ATP10B: variants seen among roughly 807,000 people sequenced by gnomAD.
The protein encoded by ATP10B is ATPase phospholipid transporting 10B (putative), also known as phospholipid-transporting ATPase VB.
A neutral mutation model predicts 141.2 loss-of-function variants in ATP10B; 122 were observed. The ratio of observed to expected loss-of-function variants is 0.86; its 90% confidence interval spans 0.75 to 1.00. The LOEUF (loss-of-function observed/expected upper bound fraction) is 1.00, where lower values mean the gene tolerates loss of function less well. Among genes scored for constraint, ATP10B ranks in the 50% least tolerant of loss-of-function variants. The probability of loss-of-function intolerance (pLI) is 0.00; values close to 1 mark genes in which losing one functional copy is unlikely to be tolerated. For missense variants in ATP10B, 1,876 were observed against 1,825.3 expected (o/e 1.03, Z -0.51); for synonymous variants, 685 against 692.0 (o/e 0.99, Z 0.16).
intron 7 of ATP10B, among the ~76,000 whole-genome samples, chr5:160,669,298 G>A (rs1762512618): frequency 6.6e-6 from 1 of 152,186 alleles, no homozygotes; most frequent in Admixed American, 6.5e-5. Flanking sequence ...TGCTAAGTAA[G>A]TCATGTACCT....
rs77781732 is a variant in ATP10B at position 160,812,167 on chromosome 5, C to T, written c.-575-26364G>A. Among the ~76,000 whole-genome samples, 197 of 152,206 alleles carry T rather than the reference C, an allele frequency of 1.3e-3. 1 individual carries two copies. In the South Asian group the frequency reaches 0.018, roughly 14 times the overall value. On this transcript the variant is annotated intron_variant, in intron 1 of 25. Coordinates refer to ENST00000327245, the MANE Select transcript of ATP10B (RefSeq NM_025153.3). ...TCCAGGTCTTATTCAAGACCATCAA[C>T]GTGGTACCTCTACAAGTCTGTAAGA... is the stretch of plus-strand genomic sequence containing the variant.
chr5:160,867,200 G>A, the ATP10B span, among the ~76,000 whole-genome samples: 2 of 64,788 alleles, frequency 3.1e-5, no homozygotes, highest in Non-Finnish European at 8.8e-5. Flanking sequence ...TCATATATAT[G>A]CATATATATA....
intron 1 of ATP10B, among the ~76,000 whole-genome samples, chr5:160,837,780 A>T (rs781683640): frequency 9.9e-5 from 15 of 152,230 alleles, no homozygotes; most frequent in Admixed American, 7.9e-4. Flanking sequence ...AGACCATTTT[A>T]AAGTTATTTC....
At chr5:160,705,870 T>C (rs1286196490) in intron 3 of ATP10B, among the ~76,000 whole-genome samples, 5 of 152,248 alleles carry the variant, frequency 3.3e-5, no homozygotes. Flanking sequence ...GCATTCCTCA[T>C]GAAGGTTAAT....
At chr5:160,715,214 C>T (rs1191302706) in intron 3 of ATP10B, among the ~76,000 whole-genome samples, 1 of 135,032 alleles carries the variant, frequency 7.4e-6, no homozygotes, top group African/African-American at 2.8e-5. Context: ...CTCCCCCAGC[C>T]TCGTTGCTGC....
intron 13 of ATP10B, among the ~76,000 whole-genome samples, chr5:160,625,204 C>A (rs976614121): frequency 2.0e-5 from 3 of 152,134 alleles, no homozygotes; most frequent in African/African-American, 4.8e-5. Flanking sequence ...GTTAGTCTGA[C>A]CCTAGAATTC....
chr5:160,796,469 A>T (rs1771956043), intron 1 of ATP10B, among the ~76,000 whole-genome samples: 1 of 152,160 alleles, frequency 6.6e-6, no homozygotes, highest in Non-Finnish European at 1.5e-5. Context: ...CTTTCTTTGT[A>T]TTCTATCTCT....
chr5:160,777,454 A>G (rs1370999538), intron 2 of ATP10B, among the ~76,000 whole-genome samples: 1 of 152,232 alleles, frequency 6.6e-6, no homozygotes, highest in East Asian at 1.9e-4. Context: ...AAATCCAAAG[A>G]TGGAAGATGG....
At chr5:160,589,023 G>GT (rs1756097814) in intron 24 of ATP10B, among the ~76,000 whole-genome samples, 1 of 152,004 alleles carries the variant, frequency 6.6e-6, no homozygotes, top group East Asian at 1.9e-4. Context: ...TTTGTTTTTT[G>GT]TTTTTTGAGA....
intron 22 of ATP10B, among the ~76,000 whole-genome samples, chr5:160,593,466 G>GA (rs1200082267): frequency 1.3e-5 from 2 of 152,184 alleles, no homozygotes; most frequent in South Asian, 2.1e-4. Context: ...CAAAGATGGG[G>GA]AAAAAACAGA....
the ATP10B span, among the ~76,000 whole-genome samples, chr5:160,886,866 G>A: frequency 3.6e-3 from 543 of 152,276 alleles, 2 homozygotes; most frequent in African/African-American, 0.013. Context: ...TTGATGCTAT[G>A]TGAGGTGACT....
chr5:160,827,685 C>T (rs1334754772), intron 1 of ATP10B, among the ~76,000 whole-genome samples: 3 of 152,138 alleles, frequency 2.0e-5, no homozygotes, highest in African/African-American at 7.2e-5. Context: ...CCTAGGTTTT[C>T]TTCTAGGATT....
chr5:160,654,423 G>A (rs1761334982), intron 7 of ATP10B, among the ~76,000 whole-genome samples: 1 of 152,100 alleles, frequency 6.6e-6, no homozygotes, highest in African/African-American at 2.4e-5. Context: ...ACTGCCCTTT[G>A]ATGAAAGTCT....
the ATP10B span, among the ~76,000 whole-genome samples, chr5:160,917,374 C>T: frequency 1.3e-5 from 2 of 149,836 alleles, no homozygotes; most frequent in African/African-American, 4.9e-5. Flanking sequence ...TACATATCTT[C>T]CAAGGCTTTC....
At position 160,615,854 on chromosome 5, in the gene ATP10B, A is replaced by G; in HGVS notation, c.2637T>C (p.Asn879=). The G allele has an allele frequency of 6.2e-7, 1 of 1,611,166 alleles. No individual in the cohort carries two copies. The highest frequency in any genetic ancestry group is 8.5e-7 in the Non-Finnish European group (1 of 1,177,732). ...TTTAGCTACCAAGTAAGGTGAGTTG[A>G]TTCTCCAGATGCTGTGCAGTTTCCA... The part of the protein sequence containing the change: ...LLMETAQHLE[N]QLTLLGATGI... The change falls in exon 17 of 26, where the codon AAT becomes AAC. Residue 879 remains asparagine, a synonymous_variant. Transcript: ENST00000327245.
chr5:160,645,717 T>C (rs149538497), intron 8 of ATP10B, among the ~76,000 whole-genome samples: 1 of 152,274 alleles, frequency 6.6e-6, no homozygotes, highest in East Asian at 1.9e-4. Flanking sequence ...TTTCCAAACC[T>C]ATTTGGGAGA....
intron 1 of ATP10B, among the ~76,000 whole-genome samples, chr5:160,822,611 A>T (rs115080684): frequency 6.6e-6 from 1 of 152,262 alleles, no homozygotes; most frequent in South Asian, 2.1e-4. Context: ...GAAGCCACCT[A>T]AGTATCTAGC....
At chr5:160,809,244 C>T (rs1772981372) in intron 1 of ATP10B, among the ~76,000 whole-genome samples, 1 of 152,118 alleles carries the variant, frequency 6.6e-6, no homozygotes, top group Non-Finnish European at 1.5e-5. Context: ...AATTCTTAGC[C>T]TGTAGGCCAT....
chr5:160,591,419 G>C (rs929761864), intron 22 of ATP10B, among the ~76,000 whole-genome samples: 3 of 152,196 alleles, frequency 2.0e-5, no homozygotes, highest in African/African-American at 7.2e-5. Flanking sequence ...TGGGGTTCAA[G>C]AGGAGTAAAT....
Sources: allele counts gnomAD v4.1 joint callset (sites outside exome capture counted in the v4.1 genomes callset), GRCh38; gene constraint gnomAD v4.1.1; transcripts MANE v1.5; gene names NCBI Gene and HGNC (gene_info 2026-07-23, HGNC 2026-07-21).